Variants in RARB observed in about 807,000 individuals in gnomAD.
RARB encodes retinoic acid receptor beta.
RARB carries 17 observed loss-of-function variants against 51.9 expected under a neutral mutation model. The ratio of observed to expected loss-of-function variants is 0.33; its 90% CI spans 0.22 to 0.49. The LOEUF (loss-of-function observed/expected upper bound fraction) is 0.49, where lower values mean the gene tolerates loss of function less well. Ranked by LOEUF, RARB falls within the 20% of genes least tolerant of loss-of-function variation. The pLI is 0.99. For synonymous variants in RARB, 215 were observed against 195.4 expected, an observed-to-expected ratio of 1.10 and a Z score of -0.84; for missense variants, 369 against 550.8, an observed-to-expected ratio of 0.67 and a Z score of 3.30.
intron 2 of RARB, among the ~76,000 whole-genome samples, chr3:25,043,158 T>C (rs1698147346): frequency 6.6e-6 from 1 of 152,222 alleles, no homozygotes; most frequent in African/African-American, 2.4e-5. Context: ...TCTTTCATCT[T>C]TTTTTAATAG....
Position 25,484,206 on chromosome 3 carries a change from T to C in RARB, c.307-16976T>C, listed in dbSNP as rs373096597. On this transcript the variant is annotated intron_variant, in intron 2 of 7. Coordinates refer to ENST00000330688, the MANE Select transcript of RARB (RefSeq NM_000965.5). ...TGATTTCTAATTTAGAGTGGGAATT[T>C]TCTTTATGAGAAAGGGCGAGGAGGA... 3.9e-5 allele frequency among the ~76,000 whole-genome samples: 6 copies of C among 152,332 alleles called. No individual in the cohort carries two copies. The South Asian group carries it at 8.3e-4, about 21-fold the overall frequency.
chr3:25,213,609 T>C (rs2125379869), intron 5 of RARB, among the ~76,000 whole-genome samples: 1 of 152,306 alleles, frequency 6.6e-6, no homozygotes, highest in South Asian at 2.1e-4. Context: ...AGGGTATGCA[T>C]AAGTTCAGCT....
intron 2 of RARB, among the ~76,000 whole-genome samples, chr3:25,043,979 C>T (rs1698163749): frequency 6.6e-6 from 1 of 151,838 alleles, no homozygotes; most frequent in African/African-American, 2.4e-5. Context: ...GAGTGCAAGT[C>T]CTCCTGACTG....
At chr3:25,357,807 C>A (rs1163624256) in intron 5 of RARB, among the ~76,000 whole-genome samples, 2 of 151,958 alleles carry the variant, frequency 1.3e-5, no homozygotes, top group African/African-American at 4.8e-5. Context: ...GGTCAAAGAT[C>A]AGATGGTTGT....
At chr3:24,888,949 A>G (rs1324145798) in intron 2 of RARB, among the ~76,000 whole-genome samples, 1 of 152,176 alleles carries the variant, frequency 6.6e-6, no homozygotes, top group East Asian at 1.9e-4. Context: ...ATTTAACTGG[A>G]AAACAGTAAC....
chr3:24,856,806 G>C (rs1197787282), intron 1 of RARB, among the ~76,000 whole-genome samples: 3 of 152,166 alleles, frequency 2.0e-5, no homozygotes, highest in Admixed American at 6.5e-5. Context: ...GTCAGACATA[G>C]TCTGAGGCAA....
intron 5 of RARB, among the ~76,000 whole-genome samples, chr3:25,278,254 G>T (rs557753865): frequency 1.3e-5 from 2 of 152,286 alleles, no homozygotes; most frequent in South Asian, 2.1e-4. Context: ...GGAAATGAAT[G>T]AATCTCACTG....
chr3:25,333,033 A>C (rs1015069938), intron 5 of RARB, among the ~76,000 whole-genome samples: 2 of 152,232 alleles, frequency 1.3e-5, no homozygotes, highest in Admixed American at 1.3e-4. Context: ...AAGAGGACAC[A>C]AACAAATGGA....
At chr3:25,543,509 A>G (rs575312518) in intron 3 of RARB, among the ~76,000 whole-genome samples, 3 of 152,266 alleles carry the variant, frequency 2.0e-5, no homozygotes, top group South Asian at 4.2e-4. Context: ...TGGAGGGGCA[A>G]TGTGGCAAAT....
At chr3:25,527,830 C>G (rs771281474) in intron 3 of RARB, among the ~76,000 whole-genome samples, 1 of 152,128 alleles carries the variant, frequency 6.6e-6, no homozygotes, top group African/African-American at 2.4e-5. Flanking sequence ...GAAAACAAAA[C>G]AACTCACTCT....
intron 1 of RARB, among the ~76,000 whole-genome samples, chr3:24,842,595 T>C (rs1702432749): frequency 6.6e-6 from 1 of 152,284 alleles, no homozygotes; most frequent in Non-Finnish European, 1.5e-5. Context: ...TAAGTAATAG[T>C]CCTCTTGAGA....
At chr3:25,394,150 T>C (rs1252049224) in intron 5 of RARB, among the ~76,000 whole-genome samples, 1 of 152,192 alleles carries the variant, frequency 6.6e-6, no homozygotes, top group African/African-American at 2.4e-5. Flanking sequence ...GATTCCATTG[T>C]TGACCCAGTG....
chr3:25,201,503 T>C (rs1246366212), intron 5 of RARB, among the ~76,000 whole-genome samples: 2 of 152,204 alleles, frequency 1.3e-5, no homozygotes, highest in Non-Finnish European at 2.9e-5. Flanking sequence ...ATCCCTGTCT[T>C]GTGCCAGTTT....
intron 2 of RARB, among the ~76,000 whole-genome samples, chr3:24,974,597 G>C (rs1696470889): frequency 6.6e-6 from 1 of 151,848 alleles, no homozygotes; most frequent in Non-Finnish European, 1.5e-5. Context: ...CTTAAATAAT[G>C]GTATTCCCTC....
chr3:25,587,379 AAC>A (rs771860529), intron 5 of RARB, among the ~76,000 whole-genome samples: 3 of 150,994 alleles, frequency 2.0e-5, no homozygotes, highest in Non-Finnish European at 4.4e-5. Context: ...TTGCAAAATA[AAC>A]AGTCTTTTAA....
At chr3:25,433,165 C>G (rs1162946207) in intron 1 of RARB, among the ~76,000 whole-genome samples, 1 of 152,142 alleles carries the variant, frequency 6.6e-6, no homozygotes, top group African/African-American at 2.4e-5. Context: ...TCTTGCCTTT[C>G]AAATTACAGG....
At chr3:25,339,449 C>G (rs181031638) in intron 5 of RARB, among the ~76,000 whole-genome samples, 1 of 152,168 alleles carries the variant, frequency 6.6e-6, no homozygotes, top group African/African-American at 2.4e-5. Context: ...ACGTCACTTT[C>G]CTTTTTCTGT....
intron 5 of RARB, among the ~76,000 whole-genome samples, chr3:25,335,372 T>G (rs1705034291): frequency 6.6e-6 from 1 of 152,176 alleles, no homozygotes; most frequent in Non-Finnish European, 1.5e-5. Flanking sequence ...AATTCTTGGA[T>G]AAAAATAATT....
At position 25,148,144 on chromosome 3, in the gene RARB, T is replaced by C. The variant is rs146670614; in HGVS notation, c.-280+15936T>C. Reference sequence around the variant, plus strand: ...CTAACTGGGTATGTAAGTTACACTTTTGTTTATTACAGAAGTTGCAATGGT... The same window carrying C: ...CTAACTGGGTATGTAAGTTACACTTCTGTTTATTACAGAAGTTGCAATGGT... On this transcript the variant is annotated intron_variant, in intron 4 of 11. Transcript: ENST00000383772. Among the ~76,000 whole-genome samples the C allele has an allele frequency of 7.0e-4, 106 of 152,334 alleles. 1 individual carries two copies. Among genetic ancestry groups the C allele is most frequent in the East Asian group, 5.6e-3 (29 of 5,180 alleles).
Sources: allele counts gnomAD v4.1 joint callset (sites outside exome capture counted in the v4.1 genomes callset), GRCh38; gene constraint gnomAD v4.1.1; transcripts MANE v1.5; gene names NCBI Gene and HGNC (gene_info 2026-07-23, HGNC 2026-07-21).